The following CSN3 variants were observed in gnomAD, a reference collection of about 807,000 sequenced individuals.
CSN3 encodes casein kappa.
CSN3 carries 7 observed loss-of-function variants against 9.9 expected under a neutral mutation model. The ratio of observed to expected loss-of-function variants is 0.71; its 90% CI spans 0.40 to 1.33. The LOEUF is 1.33. Ranked by LOEUF, CSN3 falls within the 40% of genes most tolerant of loss-of-function variation. CSN3 has a pLI of 0.01. For missense variants in CSN3, 253 were observed against 227.9 expected (o/e 1.11, Z -0.71); for synonymous variants, 88 against 82.3 (o/e 1.07, Z -0.37).
chr4:70,240,733 G>A (rs73824560), upstream of CSN3, among the ~76,000 whole-genome samples: 850 of 151,986 alleles, frequency 5.6e-3, 13 homozygotes, highest in African/African-American at 0.019. Context: ...TAGACTATGA[G>A]GTCCACAAGA....
At chr4:70,247,177 T>C (rs945471475) in intron 2 of CSN3, among the ~76,000 whole-genome samples, 1 of 152,156 alleles carries the variant, frequency 6.6e-6, no homozygotes, top group Non-Finnish European at 1.5e-5. Context: ...AAATATTTAA[T>C]ATTATACCTC....
upstream of CSN3, among the ~76,000 whole-genome samples, chr4:70,239,562 C>T (rs1052688022): frequency 7.2e-5 from 11 of 151,852 alleles, no homozygotes; most frequent in Non-Finnish European, 1.0e-4. Flanking sequence ...AATGTGTGTG[C>T]TAATGCTAAA....
intron 4 of CSN3, among the ~76,000 whole-genome samples, chr4:70,251,060 G>GT (rs140267445): frequency 0.11 from 17,371 of 152,010 alleles, 1,311 homozygotes; most frequent in East Asian, 0.27. Flanking sequence ...ATGTAAAAGA[G>GT]TTTTTTCTGT....
intron 3 of CSN3, 108 bp from the exon 4 acceptor site, chr4:70,248,890 A>G (rs1292687464): frequency 1.4e-6 from 1 of 721,016 alleles, no homozygotes; most frequent in Non-Finnish European, 2.2e-6. Context: ...TACTTCTAAT[A>G]TCTTACTCAA....
At chr4:70,247,395 C>T (rs959242469) in intron 2 of CSN3, among the ~76,000 whole-genome samples, 1 of 152,028 alleles carries the variant, frequency 6.6e-6, no homozygotes, top group Non-Finnish European at 1.5e-5. Flanking sequence ...TCTAAGTAAA[C>T]CTTATGAATC....
At chr4:70,250,695 T>G (rs1309167532) in intron 4 of CSN3, among the ~76,000 whole-genome samples, 5 of 152,176 alleles carry the variant, frequency 3.3e-5, no homozygotes, top group African/African-American at 4.8e-5. Context: ...CCAGTAGGAC[T>G]GAGGACATTA....
chr4:70,239,078 GAAAGATATT>G (rs1730224533), upstream of CSN3, among the ~76,000 whole-genome samples: 1 of 151,832 alleles, frequency 6.6e-6, no homozygotes, highest in Non-Finnish European at 1.5e-5. Context: ...ACATTAACTA[GAAAGATATT>G]AAAGATAGAG....
At chr4:70,249,243 A>G (rs771545281) in exon 4 of CSN3, 1 of 1,613,994 alleles carries the variant, frequency 6.2e-7, no homozygotes, top group East Asian at 2.2e-5. Context: ...TACGTCGCCC[A>G]AACCTGCATC....
At chr4:70,242,275 TC>T (rs1730286732), upstream of CSN3, among the ~76,000 whole-genome samples, 3 of 122,988 alleles carry the variant, frequency 2.4e-5, no homozygotes, top group Admixed American at 1.7e-4. Context: ...TCTCTGCATT[TC>T]TTTTTTATTT....
intron 3 of CSN3, 85 bp from the exon 4 acceptor site, chr4:70,248,913 T>C (rs997998186): frequency 1.2e-4 from 111 of 956,942 alleles, no homozygotes; most frequent in Non-Finnish European, 1.5e-4. Flanking sequence ...GTAAATACTA[T>C]ATTATTTCAA....
chr4:70,240,604 G>A (rs1730255089), upstream of CSN3, among the ~76,000 whole-genome samples: 1 of 151,908 alleles, frequency 6.6e-6, no homozygotes, highest in Non-Finnish European at 1.5e-5. Context: ...GCATTGCATA[G>A]CTCCATTATA....
At chr4:70,240,437 T>C (rs1730250246), upstream of CSN3, among the ~76,000 whole-genome samples, 1 of 151,988 alleles carries the variant, frequency 6.6e-6, no homozygotes, top group Admixed American at 6.6e-5. Flanking sequence ...CATGCCCCTG[T>C]TGATGGATGC....
upstream of CSN3, among the ~76,000 whole-genome samples, chr4:70,239,367 T>C (rs1428144413): frequency 2.0e-5 from 3 of 151,538 alleles, no homozygotes; most frequent in South Asian, 6.2e-4. Context: ...GATCTGGCTG[T>C]TTATTTTGAA....
chr4:70,245,924 G>A (rs1730367668), intron 2 of CSN3, among the ~76,000 whole-genome samples: 1 of 152,040 alleles, frequency 6.6e-6, no homozygotes, highest in Non-Finnish European at 1.5e-5. Flanking sequence ...TTGAGTAATA[G>A]GGCTTAAAGT....
At chr4:70,240,132 G>GATGT (rs1730242706), upstream of CSN3, among the ~76,000 whole-genome samples, 2 of 151,840 alleles carry the variant, frequency 1.3e-5, no homozygotes, top group Non-Finnish European at 2.9e-5. Context: ...AGATAAAACA[G>GATGT]ACATGAAGTA....
upstream of CSN3, among the ~76,000 whole-genome samples, chr4:70,239,389 A>T (rs954529149): frequency 6.6e-6 from 1 of 151,916 alleles, no homozygotes; most frequent in African/African-American, 2.4e-5. Context: ...GGTAACAAGA[A>T]TGACAAGAAT....
upstream of CSN3, among the ~76,000 whole-genome samples, chr4:70,238,959 T>C (rs1236943229): frequency 6.6e-6 from 1 of 151,826 alleles, no homozygotes; most frequent in East Asian, 1.9e-4. Flanking sequence ...TTTGGAGATG[T>C]CTATTTTACG....
chr4:70,249,643 C>T lies in CSN3; in HGVS notation c.*34+150C>T, dbSNP rs1437670176. The T allele has an allele frequency of 6.9e-6, 4 of 580,844 alleles. No individual in the cohort carries two copies. In the East Asian group the frequency reaches 1.1e-4, roughly 16 times the overall value. 36.0% of individuals were successfully genotyped at this position (580,844 alleles called of 1,614,324 possible). On this transcript the variant is annotated intron_variant, in intron 4 of 4. Coordinates refer to ENST00000304954, the Ensembl canonical transcript of CSN3. ...TACTTACAGTTTTACCTTGGTAAAC[C>T]CATAGCATTGATACACCAGATTCTG...
At chr4:70,244,963 G>A (rs41292333) in intron 2 of CSN3, 90 bp downstream of exon 2, 86,456 of 626,682 alleles carry the variant, frequency 0.14, 7,407 homozygotes, top group East Asian at 0.31. Context: ...ATACAATTAT[G>A]CTTCATAGAA....
Sources: gnomAD v4.1 joint callset for allele counts (sites outside exome capture counted in the v4.1 genomes callset) on GRCh38, gnomAD v4.1.1 for gene constraint, MANE v1.5 for transcripts, NCBI Gene and HGNC (gene_info 2026-07-23, HGNC 2026-07-21) for gene names.